Variants in ASAP1 observed in about 807,000 individuals in gnomAD.
The protein encoded by ASAP1 is arf-GAP with SH3 domain, ANK repeat and PH domain-containing protein 1.
Under a neutral mutation model 145.2 loss-of-function variants are expected in ASAP1, and 43 were observed. The observed-to-expected ratio is 0.30, with a 90% confidence interval of 0.23 to 0.38. The LOEUF is 0.38. ASAP1 is among the 10% of genes least tolerant of loss of function. ASAP1 has a pLI of 1.00. For synonymous variants in ASAP1, 546 were observed against 515.5 expected (o/e 1.06, Z -0.80); for missense variants, 1,018 against 1,355.3 (o/e 0.75, Z 3.91).
intron 2 of ASAP1, among the ~76,000 whole-genome samples, chr8:130,389,441 T>C (rs73425534): frequency 0.021 from 3,209 of 152,332 alleles, 129 homozygotes; most frequent in African/African-American, 0.072. Flanking sequence ...TGTTGGTCTG[T>C]AATTGGTTCT....
Position 130,230,021 on chromosome 8 carries a change from G to A in ASAP1, c.259+6901C>T, listed in dbSNP as rs776111475. On this transcript the variant is annotated intron_variant, in intron 4 of 29. Transcript: ENST00000518721. Reference sequence around the variant, plus strand: ...TCAAGGATGCCGTGAGTGAGACTGCGTTACTGCTCTCCAGCCTGGGCAACA... The same window carrying A: ...TCAAGGATGCCGTGAGTGAGACTGCATTACTGCTCTCCAGCCTGGGCAACA... 1.5e-4 allele frequency among the ~76,000 whole-genome samples: 23 copies of A among 152,102 alleles called. 1 individual carries two copies. The highest frequency in any genetic ancestry group is 3.4e-3 in the Middle Eastern group (1 of 294).
At chr8:130,318,149 A>C (rs1299275012) in intron 3 of ASAP1, among the ~76,000 whole-genome samples, 1 of 152,218 alleles carries the variant, frequency 6.6e-6, no homozygotes, top group Non-Finnish European at 1.5e-5. Context: ...TGATGCAGTC[A>C]CAGCTCATTG....
intron 3 of ASAP1, among the ~76,000 whole-genome samples, chr8:130,328,785 A>C (rs1378069573): frequency 2.0e-5 from 3 of 151,758 alleles, no homozygotes; most frequent in Non-Finnish European, 4.4e-5. Flanking sequence ...ACCATGCTCA[A>C]TTAATTTTTA....
At chr8:130,118,861 T>C in intron 18 of ASAP1, 186 bp from the exon 19 acceptor site, 1 of 363,514 alleles carries the variant, frequency 2.8e-6, no homozygotes, top group Non-Finnish European at 4.9e-6. Context: ...AATATATGTT[T>C]ACTAATATAT....
In ASAP1 at chr8:130,214,676, A is replaced by C. The variant is rs1300259336; in HGVS notation, c.285T>G (p.Tyr95Ter). The C allele has an allele frequency of 6.2e-7, 1 of 1,602,884 alleles. No individual in the cohort carries two copies. The highest frequency in any genetic ancestry group is 8.5e-7 in the Non-Finnish European group (1 of 1,175,886). ...GQDHVQNEEN[Y>*]AQVLDKFGSN... The stretch of plus-strand genomic sequence containing the variant: ...TCCCAAACTTATCAAGAACTTGTGC[A>C]TAGTTTTCTTCATTTTGTACATGAT... The change falls in exon 5 of 30, where the codon TAT becomes TAG. Residue 95 changes from tyrosine (Y) to a stop codon, truncating the protein, a stop_gained. Coordinates refer to ENST00000518721, the MANE Select transcript of ASAP1 (RefSeq NM_018482.4). LOFTEE classifies it high-confidence loss of function.
intron 27 of ASAP1, among the ~76,000 whole-genome samples, chr8:130,062,492 C>G (rs1419112690): frequency 1.3e-5 from 2 of 152,264 alleles, no homozygotes; most frequent in Admixed American, 6.5e-5. Context: ...TCTCGTTCCT[C>G]TCTTGGAAGT....
intron 1 of ASAP1, among the ~76,000 whole-genome samples, chr8:130,415,642 G>A (rs1328512815): frequency 1.3e-5 from 2 of 152,088 alleles, no homozygotes; most frequent in Non-Finnish European, 2.9e-5. Context: ...ACAAAAATTA[G>A]CCGGGCATGG....
At chr8:130,336,430 C>T (rs1825041323) in intron 3 of ASAP1, among the ~76,000 whole-genome samples, 1 of 152,186 alleles carries the variant, frequency 6.6e-6, no homozygotes, top group Non-Finnish European at 1.5e-5. Context: ...ACATAATAAG[C>T]TCTCCAGGTG....
chr8:130,237,153 T>C (rs960499860), intron 3 of ASAP1, among the ~76,000 whole-genome samples, 159 bp from the exon 4 acceptor site: 7 of 152,146 alleles, frequency 4.6e-5, no homozygotes, highest in Non-Finnish European at 8.8e-5. Context: ...TGGAAGTCCC[T>C]GGGATCTGAG....
At chr8:130,411,950 T>A (rs573305469) in intron 1 of ASAP1, among the ~76,000 whole-genome samples, 3 of 152,112 alleles carry the variant, frequency 2.0e-5, no homozygotes, top group Non-Finnish European at 4.4e-5. Context: ...GGAACCAGGA[T>A]GGAAAGGGGT....
intron 2 of ASAP1, among the ~76,000 whole-genome samples, chr8:130,369,081 T>A (rs74581925): frequency 1.3e-5 from 2 of 152,250 alleles, no homozygotes; most frequent in Non-Finnish European, 2.9e-5. Context: ...AGGATTGTTA[T>A]ACAGAATCAA....
At position 130,417,500 on chromosome 8, in the gene ASAP1, C is replaced by T. The variant is rs144804751; in HGVS notation, c.-27-15530G>A. 2.7e-3 allele frequency among the ~76,000 whole-genome samples: 418 copies of T among 152,218 alleles called. 1 individual carries two copies. Among genetic ancestry groups the T allele is most frequent in the African/African-American group, 9.5e-3 (396 of 41,524 alleles). ...AGTGATACGGGCGGAAAGAGCAGTC[C>T]CTTCTCACAGTTCAGAGATTGTTGT... On this transcript the variant is annotated intron_variant, in intron 1 of 29. Coordinates refer to ENST00000518721, the MANE Select transcript of ASAP1 (RefSeq NM_018482.4).
intron 4 of ASAP1, among the ~76,000 whole-genome samples, chr8:130,235,973 T>A (rs1486562289): frequency 6.6e-6 from 1 of 152,094 alleles, no homozygotes; most frequent in African/African-American, 2.4e-5. Context: ...TTCAACAACT[T>A]TTTTTAATAC....
intron 14 of ASAP1, among the ~76,000 whole-genome samples, chr8:130,135,145 T>C (rs1175251456): frequency 2.0e-5 from 3 of 152,216 alleles, no homozygotes; most frequent in African/African-American, 7.2e-5. Context: ...TACTCTAGGC[T>C]AGGCAGTCAC....
chr8:130,103,683 A>G (rs1022762478), intron 24 of ASAP1, among the ~76,000 whole-genome samples: 1 of 151,900 alleles, frequency 6.6e-6, no homozygotes, highest in Non-Finnish European at 1.5e-5. Flanking sequence ...TTGTATTTTT[A>G]GTAGAGATGG....
Position 130,126,078 on chromosome 8 carries a change from G to T in ASAP1, c.1393C>A (p.Leu465Ile), listed in dbSNP as rs774322256. Residue 465 changes from leucine (L) to isoleucine (I), a missense_variant, in exon 17 of 30, where the codon CTT (leucine) becomes ATT (isoleucine). Physicochemically the swap from Leu to Ile is conservative, Grantham distance 5. Transcript: ENST00000518721. ...GTCAAAATACCCAAGTTGGTTGAAA[G>T]CCAGGTGGGTTCTGTGGAAAGAATG... ...CDCGSSEPTW[L>I]STNLGILTCI... The T allele has an allele frequency of 8.1e-6, 13 of 1,609,574 alleles. No individual in the cohort carries two copies. The highest frequency in any genetic ancestry group is 1.7e-5 in the Admixed American group (1 of 58,940).
intron 17 of ASAP1, among the ~76,000 whole-genome samples, chr8:130,125,289 C>T (rs1041364271): frequency 6.6e-6 from 1 of 152,084 alleles, no homozygotes; most frequent in Non-Finnish European, 1.5e-5. Context: ...GCCAAGTAGG[C>T]TCCCCTTCTG....
At chr8:130,263,994 GTTC>G (rs1820095426) in intron 3 of ASAP1, among the ~76,000 whole-genome samples, 1 of 152,176 alleles carries the variant, frequency 6.6e-6, no homozygotes, top group Admixed American at 6.5e-5. Context: ...GACAACTTAG[GTTC>G]TAGCCCCTGT....
chr8:130,191,108 T>C (rs910084100), intron 5 of ASAP1, among the ~76,000 whole-genome samples: 1 of 151,554 alleles, frequency 6.6e-6, no homozygotes, highest in Non-Finnish European at 1.5e-5. Flanking sequence ...GATTTTAAGA[T>C]GGCACAAAGA....
Sources: gnomAD v4.1 joint callset for allele counts (sites outside exome capture counted in the v4.1 genomes callset) on GRCh38, gnomAD v4.1.1 for gene constraint, MANE v1.5 for transcripts, NCBI Gene and HGNC (gene_info 2026-07-23, HGNC 2026-07-21) for gene names.